Variants in FLT3 observed in about 807,000 individuals in gnomAD.
FLT3 encodes receptor-type tyrosine-protein kinase FLT3.
In FLT3, 46 loss-of-function variants were observed where a neutral mutation model predicts 126.6. That is an observed-to-expected ratio of 0.36 (90% CI 0.29 to 0.46). FLT3 has a LOEUF of 0.46. Ranked by LOEUF, FLT3 falls within the 20% of genes least tolerant of loss-of-function variation. FLT3 has a pLI of 1.00. For missense variants in FLT3, 1,069 were observed against 1,190.3 expected (o/e 0.90, Z 1.50); for synonymous variants, 404 against 434.4 (o/e 0.93, Z 0.87).
intron 9 of FLT3, among the ~76,000 whole-genome samples, chr13:28,045,954 AT>A (rs1327646344): frequency 6.3e-5 from 9 of 142,782 alleles, no homozygotes; most frequent in African/African-American, 2.3e-4. Context: ...AAAAAAAAAA[AT>A]GCCAGGGGTT....
chr13:28,019,447 A>G (rs552654315), intron 19 of FLT3, among the ~76,000 whole-genome samples: 1 of 152,314 alleles, frequency 6.6e-6, no homozygotes, highest in South Asian at 2.1e-4. Flanking sequence ...AAGAAAATGA[A>G]CTTTACAAAG....
intron 19 of FLT3, 119 bp downstream of exon 19, chr13:28,023,231 T>C (rs1872546215): frequency 9.6e-7 from 1 of 1,037,866 alleles, no homozygotes; most frequent in Non-Finnish European, 1.4e-6. Flanking sequence ...ACTCCAACAG[T>C]GAACAGGGGA....
At chr13:28,026,709 A>G (rs917294747) in intron 17 of FLT3, among the ~76,000 whole-genome samples, 2 of 152,250 alleles carry the variant, frequency 1.3e-5, no homozygotes, top group Non-Finnish European at 2.9e-5. Context: ...CAATAGTCCC[A>G]GGACCCGAGC....
At chr13:28,073,352 GAAAA>G (rs35318238) in intron 1 of FLT3, 52,319 of 296,654 alleles carry the variant, frequency 0.18, 2,755 homozygotes, top group Middle Eastern at 0.27. Context: ...CTCATCTCTG[GAAAA>G]AAAAAAAAAA....
chr13:28,093,727 T>C (rs1471794206), intron 1 of FLT3, among the ~76,000 whole-genome samples: 2 of 152,110 alleles, frequency 1.3e-5, no homozygotes, highest in African/African-American at 4.8e-5. Context: ...ACCTTCTCAG[T>C]CTGGGTTAGA....
At chr13:28,097,817 G>A (rs1488940992) in intron 1 of FLT3, among the ~76,000 whole-genome samples, 1 of 152,100 alleles carries the variant, frequency 6.6e-6, no homozygotes, top group Admixed American at 6.6e-5. Context: ...AGCAAAGAAT[G>A]GCAACTCAAA....
intron 23 of FLT3, among the ~76,000 whole-genome samples, chr13:28,004,636 GAT>G (rs1182460936): frequency 6.6e-6 from 1 of 152,024 alleles, no homozygotes; most frequent in African/African-American, 2.4e-5. Flanking sequence ...TGTTTAAACT[GAT>G]ATATAATAGA....
At chr13:28,082,538 T>C (rs555517839) in intron 1 of FLT3, among the ~76,000 whole-genome samples, 3 of 151,774 alleles carry the variant, frequency 2.0e-5, no homozygotes, top group South Asian at 2.1e-4. Flanking sequence ...CTGTGTCACC[T>C]AGGATGGAGT....
At chr13:28,091,362 C>T (rs1391357569) in intron 1 of FLT3, among the ~76,000 whole-genome samples, 4 of 149,410 alleles carry the variant, frequency 2.7e-5, no homozygotes, top group African/African-American at 7.4e-5. Flanking sequence ...GCTGGGACTA[C>T]AGGCGCCCGC....
At position 28,036,019 on chromosome 13, in the gene FLT3, G is replaced by A. The variant is rs758240051; in HGVS notation, c.1334C>T (p.Ala445Val). ...GAAACAGGACGCCTGACTTGCCGAT[G>A]CTTCTGCGAGCACTTGAGGTTTCCC... The part of the protein sequence containing the change: ...IRRKPQVLAE[A>V]SASQASCFSD... Residue 445 changes from alanine to valine, a missense_variant, in exon 11 of 24, where the codon GCA becomes GTA. Coordinates refer to ENST00000241453, the MANE Select transcript of FLT3 (RefSeq NM_004119.3). 20 of 1,614,106 alleles carry A rather than the reference G, an allele frequency of 1.2e-5. No individual in the cohort carries two copies. In the East Asian group the frequency reaches 4.5e-4, roughly 36 times the overall value.
chr13:28,087,720 T>C (rs1434912646), intron 1 of FLT3, among the ~76,000 whole-genome samples: 2 of 152,172 alleles, frequency 1.3e-5, no homozygotes, highest in African/African-American at 4.8e-5. Context: ...TATTTGGTCT[T>C]TTTTGCTCTG....
At chr13:28,033,403 C>T (rs1235390205) in intron 15 of FLT3, among the ~76,000 whole-genome samples, 1 of 152,212 alleles carries the variant, frequency 6.6e-6, no homozygotes, top group Non-Finnish European at 1.5e-5. Context: ...GTGGCTCACG[C>T]CTGTAATCCC....
Position 28,011,323 on chromosome 13 carries a change from AGAG to A in FLT3, c.2859+3126_2859+3128del, listed in dbSNP as rs1871332058. Among the ~76,000 whole-genome samples the A allele has an allele frequency of 2.6e-5, 3 of 114,580 alleles. No individual in the cohort carries two copies. In the Admixed American group the frequency reaches 2.8e-4, roughly 11 times the overall value. The allele number at this position is 114,580 out of a possible 152,430, so 75.2% of individuals were successfully genotyped here. ...AGACTCTGTCTCAAAAAAAAAGAAAAGAGGAGAGGAGAGGGGAGGGGAGGGGAG... is the reference window on the plus strand; with the variant it reads ...AGACTCTGTCTCAAAAAAAAAGAAAAGAGAGGAGAGGGGAGGGGAGGGGAG... On this transcript the variant is annotated intron_variant, in intron 23 of 23. Coordinates refer to ENST00000241453, the MANE Select transcript of FLT3 (RefSeq NM_004119.3).
rs1186875706 is a variant in FLT3 at position 28,037,166 on chromosome 13, T to C, written c.1309+19A>G. Reference sequence around the variant, plus strand: ...AGGAATTAAAAAATAAAAATCAAATTCTCGGCAATTTAACTTACTTCTTAT... The same window carrying C: ...AGGAATTAAAAAATAAAAATCAAATCCTCGGCAATTTAACTTACTTCTTAT... On this transcript the variant is annotated intron_variant, in intron 10 of 23. Coordinates refer to ENST00000241453, the MANE Select transcript of FLT3 (RefSeq NM_004119.3). 3 of 1,372,924 alleles carry C rather than the reference T, an allele frequency of 2.2e-6. No individual in the cohort carries two copies. The highest frequency in any genetic ancestry group is 3.1e-6 in the Non-Finnish European group (3 of 965,100). 85.0% of individuals were successfully genotyped at this position (1,372,924 alleles called of 1,614,324 possible). A position where few individuals can be genotyped will look rare whatever the true frequency, so the allele number is the denominator to read the frequency against.
intron 15 of FLT3, among the ~76,000 whole-genome samples, chr13:28,029,412 AAACAAAAC>A (rs1046729831): frequency 6.6e-6 from 1 of 152,046 alleles, no homozygotes; most frequent in Non-Finnish European, 1.5e-5. Context: ...AAACAAAACA[AAACAAAAC>A]AAAGACTATA....
At chr13:28,040,480 C>G (rs1016306830) in intron 9 of FLT3, among the ~76,000 whole-genome samples, 3 of 152,036 alleles carry the variant, frequency 2.0e-5, no homozygotes, top group Admixed American at 6.6e-5. Flanking sequence ...GATGGGTGGA[C>G]TGCTTGAGGC....
intron 23 of FLT3, among the ~76,000 whole-genome samples, chr13:28,006,728 C>CTTTTTTTTT (rs753656559): frequency 1.6e-4 from 21 of 132,882 alleles, no homozygotes; most frequent in East Asian, 2.1e-4. Context: ...CCTTTCTTTC[C>CTTTTTTTTT]TTTTTTTTTT....
At chr13:28,005,239 G>C (rs1870777898) in intron 23 of FLT3, among the ~76,000 whole-genome samples, 1 of 152,196 alleles carries the variant, frequency 6.6e-6, no homozygotes, top group Non-Finnish European at 1.5e-5. Flanking sequence ...TAAGGCAGGA[G>C]AATTGCTTGA....
rs932353104 is a variant in FLT3, at chr13:28,072,786, G to A, written c.44-2174C>T. On this transcript the variant is annotated intron_variant, in intron 1 of 23. Coordinates refer to ENST00000241453, the MANE Select transcript of FLT3 (RefSeq NM_004119.3). Reference sequence around the variant, plus strand: ...TGGGAGGCCGAGGCGGGTGGATCACGAGGTCAGGAGCTCGAGACCATCCTG... The same window carrying A: ...TGGGAGGCCGAGGCGGGTGGATCACAAGGTCAGGAGCTCGAGACCATCCTG... 1.9e-4 allele frequency among the ~76,000 whole-genome samples: 29 copies of A among 150,582 alleles called. 1 individual carries two copies. The highest frequency in any genetic ancestry group is 8.6e-4 in the Admixed American group (13 of 15,134).
Sources: allele counts gnomAD v4.1 joint callset (sites outside exome capture counted in the v4.1 genomes callset), GRCh38; gene constraint gnomAD v4.1.1; transcripts MANE v1.5; gene names NCBI Gene and HGNC (gene_info 2026-07-23, HGNC 2026-07-21).